Variants in PDE4D observed in about 807,000 individuals in gnomAD.
PDE4D encodes the protein phosphodiesterase 4D.
In PDE4D, 24 loss-of-function variants were observed where a neutral mutation model predicts 87.4. The observed-to-expected ratio is 0.27, with a 90% CI of 0.20 to 0.39. The LOEUF (loss-of-function observed/expected upper bound fraction) is 0.39. PDE4D is among the 10% of genes least tolerant of loss of function. The pLI, the probability that PDE4D is intolerant of heterozygous loss-of-function variation, is 1.00. For missense variants in PDE4D, 714 were observed against 1,041.0 expected, an observed-to-expected ratio of 0.69 and a Z score of 4.32; for synonymous variants, 384 against 383.2, an observed-to-expected ratio of 1.00 and a Z score of -0.02.
At chr5:60,263,282 C>T (rs74389856) in intron 1 of PDE4D, among the ~76,000 whole-genome samples, 4,759 of 152,238 alleles carry the variant, frequency 0.031, 252 homozygotes, top group African/African-American at 0.11. Context: ...GAAACTAAGA[C>T]ATTTTAAAAT....
At chr5:59,690,393 A>T (rs1380223852) in intron 1 of PDE4D, among the ~76,000 whole-genome samples, 5 of 152,208 alleles carry the variant, frequency 3.3e-5, no homozygotes, top group Admixed American at 2.6e-4. Flanking sequence ...GGAACAGAAT[A>T]GAGCCCTCAG....
At chr5:59,650,286 T>G (rs1456414203) in intron 1 of PDE4D, among the ~76,000 whole-genome samples, 1 of 152,300 alleles carries the variant, frequency 6.6e-6, no homozygotes, top group Non-Finnish European at 1.5e-5. Flanking sequence ...ATGTTTATGG[T>G]AGTCAATAAA....
At chr5:59,276,224 A>C (rs1217466969) in intron 1 of PDE4D, 1 of 748,364 alleles carries the variant, frequency 1.3e-6, no homozygotes, top group Non-Finnish European at 1.6e-6. Flanking sequence ...AGAGACCAGC[A>C]CTGTAAACCG....
intron 1 of PDE4D, among the ~76,000 whole-genome samples, chr5:59,856,084 A>G (rs1745389055): frequency 6.6e-6 from 1 of 152,170 alleles, no homozygotes. Flanking sequence ...CTACTTCAAT[A>G]CCACTATTTC....
intron 2 of PDE4D, among the ~76,000 whole-genome samples, chr5:60,071,768 G>A (rs1772743270): frequency 6.6e-6 from 1 of 152,094 alleles, no homozygotes; most frequent in African/African-American, 2.4e-5. Context: ...AGAAAATGCA[G>A]TATTTCATTT....
At chr5:59,898,742 G>A (rs938580598) in intron 3 of PDE4D, among the ~76,000 whole-genome samples, 1 of 152,178 alleles carries the variant, frequency 6.6e-6, no homozygotes. Flanking sequence ...TGAGCAATAA[G>A]CAGAAGCCTG....
chr5:59,933,427 C>T (rs574419424), intron 3 of PDE4D, among the ~76,000 whole-genome samples: 108 of 152,284 alleles, frequency 7.1e-4, no homozygotes, highest in African/African-American at 2.5e-3. Context: ...AAACACTATA[C>T]TCACTTTAAA....
At chr5:59,768,764 T>A in intron 1 of PDE4D, 1 of 816,330 alleles carries the variant, frequency 1.2e-6, no homozygotes, top group Non-Finnish European at 1.8e-6. Flanking sequence ...GCATAGCAAA[T>A]GAACAAGGAG....
intron 1 of PDE4D, among the ~76,000 whole-genome samples, chr5:59,517,750 G>A (rs940790015): frequency 2.0e-5 from 3 of 152,168 alleles, no homozygotes; most frequent in African/African-American, 7.2e-5. Context: ...TTCATAGCAG[G>A]TGATCTAGGA....
intron 1 of PDE4D, among the ~76,000 whole-genome samples, chr5:59,458,494 C>T (rs532978821): frequency 3.3e-5 from 5 of 152,340 alleles, no homozygotes; most frequent in Non-Finnish European, 7.3e-5. Context: ...AAAGTAGGCG[C>T]TACTTGCCTG....
At chr5:60,009,136 C>A (rs1764768969) in intron 2 of PDE4D, among the ~76,000 whole-genome samples, 1 of 152,042 alleles carries the variant, frequency 6.6e-6, no homozygotes, top group Admixed American at 6.6e-5. Flanking sequence ...TCATCAACTG[C>A]CTTCCTACAT....
chr5:59,893,173 G>A lies in PDE4D; in HGVS notation c.450C>T (p.Leu150=). ...AGGGGGCGCTCTCCACTCACCGCCTGAGTCCCTGGAACGAGGAGGGCCAGG... is the reference window on the plus strand; with the variant it reads ...AGGGGGCGCTCTCCACTCACCGCCTAAGTCCCTGGAACGAGGAGGGCCAGG... ...RMSWPSSFQG[L]RRFDVDNGTS... Residue 150 remains leucine (L), a synonymous_variant, in exon 1 of 15, where the codon CTC becomes CTT. Transcript: ENST00000340635. 1 of 1,560,018 alleles carries A rather than the reference G, an allele frequency of 6.4e-7. No individual in the cohort carries two copies. The highest frequency in any genetic ancestry group is 8.7e-7 in the Non-Finnish European group (1 of 1,152,140).
chr5:60,224,584 C>T (rs919020846), intron 1 of PDE4D, among the ~76,000 whole-genome samples: 8 of 152,062 alleles, frequency 5.3e-5, no homozygotes, highest in African/African-American at 1.9e-4. Context: ...CCCCTACAGG[C>T]AGTCTCAGCA....
chr5:60,338,198 G>C (rs71630006), intron 1 of PDE4D, among the ~76,000 whole-genome samples: 2 of 151,976 alleles, frequency 1.3e-5, no homozygotes, highest in Admixed American at 6.5e-5. Flanking sequence ...CTTGCTTGCC[G>C]TAACAGAAAC....
intron 1 of PDE4D, among the ~76,000 whole-genome samples, chr5:59,385,425 T>C (rs1002956735): frequency 6.6e-6 from 1 of 152,234 alleles, no homozygotes; most frequent in Non-Finnish European, 1.5e-5. Flanking sequence ...TGTAAATTCC[T>C]TCAAAATATT....
In PDE4D at chr5:59,027,766, C is replaced by T. The variant is rs116431408; in HGVS notation, c.921+11093G>A. On this transcript the variant is annotated intron_variant, in intron 6 of 14. Transcript: ENST00000340635. ...CCAGGCTCATCTTACATATTTCCTTCCTGAGTCCCTAGAAATCAGCTATTT... is the reference window on the plus strand; with the variant it reads ...CCAGGCTCATCTTACATATTTCCTTTCTGAGTCCCTAGAAATCAGCTATTT... Among the ~76,000 whole-genome samples the T allele has an allele frequency of 3.5e-4, 54 of 152,144 alleles. 1 individual carries two copies. The highest frequency in any genetic ancestry group is 1.3e-3 in the African/African-American group (53 of 41,518).
chr5:59,147,070 G>A (rs1398307996), intron 5 of PDE4D, among the ~76,000 whole-genome samples: 1 of 152,122 alleles, frequency 6.6e-6, no homozygotes, highest in African/African-American at 2.4e-5. Context: ...CTCCTTATGA[G>A]AATCTAATGC....
chr5:60,460,089 A>G, intron 1 of PDE4D: 1 of 1,605,806 alleles, frequency 6.2e-7, no homozygotes, highest in Non-Finnish European at 8.5e-7. Context: ...CTGCATCAGA[A>G]TGGTCAGTAA....
chr5:59,939,685 C>T (rs981587590), intron 3 of PDE4D, among the ~76,000 whole-genome samples: 6 of 151,984 alleles, frequency 3.9e-5, no homozygotes, highest in African/African-American at 1.4e-4. Context: ...GTAGAGGATG[C>T]AGCAGGTCTG....
Sources: gnomAD v4.1 joint callset for allele counts (sites outside exome capture counted in the v4.1 genomes callset) on GRCh38, gnomAD v4.1.1 for gene constraint, MANE v1.5 for transcripts, NCBI Gene and HGNC (gene_info 2026-07-23, HGNC 2026-07-21) for gene names.